The following THSD7A variants were observed in gnomAD, a reference collection of about 807,000 sequenced individuals.
The protein encoded by THSD7A is thrombospondin type 1 domain containing 7A, also known as thrombospondin type-1 domain-containing protein 7A.
In THSD7A, 96 loss-of-function variants were observed where a neutral mutation model predicts 231.3. The observed-to-expected ratio is 0.41, with a 90% CI of 0.35 to 0.49. The LOEUF (loss-of-function observed/expected upper bound fraction) is 0.49. Among genes scored for constraint, THSD7A ranks in the 20% least tolerant of loss-of-function variants. The pLI is 0.05. For synonymous variants in THSD7A, 940 were observed against 743.3 expected (o/e 1.26, Z -4.30); for missense variants, 2,290 against 2,070.2 (o/e 1.11, Z -2.06).
intron 1 of THSD7A, among the ~76,000 whole-genome samples, chr7:11,705,551 A>T (rs1227459932): frequency 6.6e-6 from 1 of 150,786 alleles, no homozygotes; most frequent in Non-Finnish European, 1.5e-5. Context: ...ACCACATTTC[A>T]CACCTGCCAC....
chr7:11,631,264 GT>G (rs1454763933), intron 2 of THSD7A, among the ~76,000 whole-genome samples: 2 of 152,024 alleles, frequency 1.3e-5, no homozygotes, highest in African/African-American at 4.8e-5. Context: ...TAGACACTTC[GT>G]TTTTTCAGTT....
In THSD7A at chr7:11,566,965, T is replaced by TAGCGGGGGGGGCGG; in HGVS notation, c.1453+23494_1453+23495insCCGCCCCCCCCGCT. 2.2e-5 allele frequency among the ~76,000 whole-genome samples: 2 copies of TAGCGGGGGGGGCGG among 92,306 alleles called. 1 individual carries two copies. The highest frequency in any genetic ancestry group is 1.1e-4 in the African/African-American group (2 of 18,008). 60.6% of individuals were successfully genotyped at this position (92,306 alleles called of 152,430 possible). On this transcript the variant is annotated intron_variant, in intron 4 of 27. Coordinates refer to ENST00000423059, the MANE Select transcript of THSD7A (RefSeq NM_015204.3). ...CAAAGTGGATCCAGCTGTGGGAGAG[T>TAGCGGGGGGGGCGG]GGGGGGGGGACTGACCAACAAAGTT...
At chr7:11,605,267 G>GA (rs912778402) in intron 2 of THSD7A, among the ~76,000 whole-genome samples, 18 of 151,828 alleles carry the variant, frequency 1.2e-4, no homozygotes, top group Non-Finnish European at 2.2e-4. Context: ...TCCTAATATG[G>GA]AAAAAAACAA....
intron 11 of THSD7A, among the ~76,000 whole-genome samples, chr7:11,452,826 G>A (rs1785188533): frequency 6.6e-6 from 1 of 151,964 alleles, no homozygotes; most frequent in African/African-American, 2.4e-5. Context: ...AATATTCATA[G>A]GAAGTTAAAC....
intron 1 of THSD7A, among the ~76,000 whole-genome samples, chr7:11,793,605 C>G (rs1387717050): frequency 1.3e-5 from 2 of 151,042 alleles, no homozygotes; most frequent in Non-Finnish European, 3.0e-5. Context: ...AAACATATGG[C>G]AAAAAGTACA....
intron 4 of THSD7A, among the ~76,000 whole-genome samples, chr7:11,558,831 C>T (rs924378662): frequency 1.3e-5 from 2 of 152,148 alleles, no homozygotes; most frequent in African/African-American, 4.8e-5. Flanking sequence ...TGTTATCTTA[C>T]TTAGCAAAAG....
intron 4 of THSD7A, among the ~76,000 whole-genome samples, chr7:11,581,798 AT>A (rs1376107795): frequency 6.6e-6 from 1 of 152,064 alleles, no homozygotes; most frequent in African/African-American, 2.4e-5. Flanking sequence ...GTACACATAT[AT>A]GGCAAACTAA....
At chr7:11,824,481 T>C (rs537041955) in intron 1 of THSD7A, among the ~76,000 whole-genome samples, 48 of 152,152 alleles carry the variant, frequency 3.2e-4, no homozygotes, top group African/African-American at 1.1e-3. Context: ...CAGAAGAAAA[T>C]CTAGATTACG....
chr7:11,417,367 A>T, intron 17 of THSD7A, 83 bp downstream of exon 17: 1 of 1,299,316 alleles, frequency 7.7e-7, no homozygotes, highest in Non-Finnish European at 1.0e-6. Context: ...TGAAGTTATT[A>T]TATTCAAAAA....
chr7:11,559,126 A>G (rs1789971565), intron 4 of THSD7A, among the ~76,000 whole-genome samples: 2 of 152,148 alleles, frequency 1.3e-5, no homozygotes, highest in South Asian at 2.1e-4. Flanking sequence ...GGAGATGAAG[A>G]TCTCAGTCTT....
intron 4 of THSD7A, among the ~76,000 whole-genome samples, chr7:11,561,543 T>C (rs1029939561): frequency 1.3e-5 from 2 of 152,202 alleles, no homozygotes; most frequent in African/African-American, 4.8e-5. Flanking sequence ...AGAAATCTCA[T>C]GAAGTAGGCA....
intron 1 of THSD7A, among the ~76,000 whole-genome samples, chr7:11,747,140 T>C (rs752681236): frequency 3.3e-5 from 5 of 152,056 alleles, no homozygotes; most frequent in Non-Finnish European, 5.9e-5. Context: ...CACTTAAAAG[T>C]GAGAATTTAA....
chr7:11,821,175 G>A, intron 1 of THSD7A: 1 of 1,143,836 alleles, frequency 8.7e-7, no homozygotes, highest in Non-Finnish European at 1.3e-6. Context: ...TCATTCCTGA[G>A]GACCCAAAGT....
intron 2 of THSD7A, among the ~76,000 whole-genome samples, chr7:11,610,982 G>C (rs1195875906): frequency 1.3e-5 from 2 of 152,090 alleles, no homozygotes; most frequent in African/African-American, 4.8e-5. Context: ...TTAACACAAA[G>C]AACAGCCAGA....
intron 4 of THSD7A, among the ~76,000 whole-genome samples, chr7:11,576,455 A>G (rs1244661728): frequency 6.6e-6 from 1 of 152,214 alleles, no homozygotes; most frequent in Admixed American, 6.5e-5. Context: ...TCTAGAGGAC[A>G]CTGCACACAG....
At chr7:11,450,750 C>A (rs1309094615) in intron 11 of THSD7A, among the ~76,000 whole-genome samples, 2 of 151,954 alleles carry the variant, frequency 1.3e-5, no homozygotes, top group Non-Finnish European at 2.9e-5. Context: ...AAATTTGTAT[C>A]TGTATTTACA....
At chr7:11,668,998 T>C (rs955405390) in intron 1 of THSD7A, among the ~76,000 whole-genome samples, 2 of 152,170 alleles carry the variant, frequency 1.3e-5, no homozygotes, top group African/African-American at 4.8e-5. Context: ...TATTACATGG[T>C]ATGGCTCTCA....
chr7:11,513,939 G>A (rs1787922007), intron 6 of THSD7A, among the ~76,000 whole-genome samples: 1 of 149,624 alleles, frequency 6.7e-6, no homozygotes, highest in African/African-American at 2.5e-5. Context: ...ACGCATAGGT[G>A]CACACACACA....
At chr7:11,744,901 A>C (rs557185066) in intron 1 of THSD7A, among the ~76,000 whole-genome samples, 1 of 152,118 alleles carries the variant, frequency 6.6e-6, no homozygotes, top group Non-Finnish European at 1.5e-5. Flanking sequence ...CACAATAAGC[A>C]CACATGTGCA....
Sources: gnomAD v4.1 joint callset for allele counts (sites outside exome capture counted in the v4.1 genomes callset) on GRCh38, gnomAD v4.1.1 for gene constraint, MANE v1.5 for transcripts, NCBI Gene and HGNC (gene_info 2026-07-23, HGNC 2026-07-21) for gene names.